The following SPOCK1 variants were observed in gnomAD, a reference collection of about 807,000 sequenced individuals.
SPOCK1 encodes SPARC (osteonectin), cwcv and kazal like domains proteoglycan 1.
Under a neutral mutation model 55.3 loss-of-function variants are expected in SPOCK1, and 23 were observed. The ratio of observed to expected loss-of-function variants is 0.42; its 90% CI spans 0.30 to 0.59. The LOEUF is 0.59. SPOCK1 is among the 20% of genes least tolerant of loss of function. SPOCK1 has a pLI of 0.22. For synonymous variants in SPOCK1, 226 were observed against 221.0 expected (o/e 1.02, Z -0.20); for missense variants, 499 against 552.5 (o/e 0.90, Z 0.97).
intron 2 of SPOCK1, among the ~76,000 whole-genome samples, chr5:137,292,284 T>C (rs1757383466): frequency 6.6e-6 from 1 of 151,942 alleles, no homozygotes; most frequent in Non-Finnish European, 1.5e-5. Flanking sequence ...GGGGTGAAGC[T>C]GAACAGTCTT....
intron 2 of SPOCK1, among the ~76,000 whole-genome samples, chr5:137,463,045 G>A (rs1354253646): frequency 6.6e-6 from 1 of 152,170 alleles, no homozygotes; most frequent in Non-Finnish European, 1.5e-5. Context: ...TTAGTCCTGA[G>A]GACAACGAGG....
At chr5:137,161,441 T>G (rs1423856638) in intron 3 of SPOCK1, among the ~76,000 whole-genome samples, 4 of 152,098 alleles carry the variant, frequency 2.6e-5, no homozygotes, top group Admixed American at 2.6e-4. Flanking sequence ...GCTGACTACC[T>G]TGCCTGCCAA....
intron 2 of SPOCK1, among the ~76,000 whole-genome samples, chr5:137,277,533 G>A (rs935735516): frequency 1.3e-5 from 2 of 152,186 alleles, no homozygotes; most frequent in African/African-American, 2.4e-5. Context: ...GGGGCTGCCT[G>A]CCCTGTGGAG....
At chr5:137,406,840 T>G (rs1561527298) in intron 2 of SPOCK1, among the ~76,000 whole-genome samples, 1 of 152,232 alleles carries the variant, frequency 6.6e-6, no homozygotes, top group Non-Finnish European at 1.5e-5. Flanking sequence ...GCATTTGCCA[T>G]GTAGGACTGT....
intron 2 of SPOCK1, among the ~76,000 whole-genome samples, chr5:137,354,401 C>T (rs1750745782): frequency 6.6e-6 from 1 of 152,042 alleles, no homozygotes; most frequent in Non-Finnish European, 1.5e-5. Flanking sequence ...CCAAGACTCC[C>T]CAGGATGACG....
At chr5:137,088,576 T>A (rs2348189) in intron 5 of SPOCK1, among the ~76,000 whole-genome samples, 60,378 of 152,012 alleles carry the variant, frequency 0.4, 12,882 homozygotes, top group Non-Finnish European at 0.48. Context: ...CTCACCCACC[T>A]TCACCCCCAG....
chr5:137,492,051 G>A (rs2149845544), intron 2 of SPOCK1, among the ~76,000 whole-genome samples: 1 of 152,216 alleles, frequency 6.6e-6, no homozygotes, highest in South Asian at 2.1e-4. Flanking sequence ...TCAACACAGT[G>A]GACATCTGTT....
chr5:137,355,666 C>T (rs1750775934), intron 2 of SPOCK1, among the ~76,000 whole-genome samples: 1 of 152,276 alleles, frequency 6.6e-6, no homozygotes, highest in East Asian at 1.9e-4. Flanking sequence ...ATTCCCACCA[C>T]ACCTTTTTCA....
intron 3 of SPOCK1, among the ~76,000 whole-genome samples, chr5:137,197,565 C>T (rs979180718): frequency 2.0e-5 from 3 of 152,132 alleles, no homozygotes; most frequent in African/African-American, 7.2e-5. Flanking sequence ...TTCTAGTTTC[C>T]ATTAGAAGAG....
intron 2 of SPOCK1, among the ~76,000 whole-genome samples, chr5:137,411,056 G>C (rs1269503104): frequency 6.6e-6 from 1 of 152,154 alleles, no homozygotes; most frequent in African/African-American, 2.4e-5. Context: ...CCAGCCAGAA[G>C]GTCTTTACTT....
chr5:137,034,064 G>A (rs373739870), intron 6 of SPOCK1, among the ~76,000 whole-genome samples: 17 of 152,252 alleles, frequency 1.1e-4, no homozygotes, highest in East Asian at 9.7e-4. Context: ...GGCTGACCTC[G>A]AGTAGGCACT....
intron 3 of SPOCK1, among the ~76,000 whole-genome samples, chr5:137,223,630 G>A (rs1755897462): frequency 6.6e-6 from 1 of 152,126 alleles, no homozygotes; most frequent in South Asian, 2.1e-4. Context: ...TCAACAATGA[G>A]ATGAAATTAT....
At chr5:137,236,385 C>T (rs542840144) in intron 3 of SPOCK1, among the ~76,000 whole-genome samples, 2 of 152,360 alleles carry the variant, frequency 1.3e-5, no homozygotes, top group South Asian at 2.1e-4. Flanking sequence ...CACACAGCCA[C>T]ACCCCAAGCA....
At chr5:137,482,347 C>T (rs1013320304) in intron 2 of SPOCK1, among the ~76,000 whole-genome samples, 2 of 152,186 alleles carry the variant, frequency 1.3e-5, no homozygotes, top group Non-Finnish European at 2.9e-5. Context: ...GAAGTAAAGA[C>T]GTGATCAGAC....
At chr5:137,330,599 A>T (rs1758155221) in intron 2 of SPOCK1, among the ~76,000 whole-genome samples, 3 of 152,298 alleles carry the variant, frequency 2.0e-5, no homozygotes, top group Middle Eastern at 3.4e-3. Flanking sequence ...AAAAATATCC[A>T]CTCATGCAAC....
At chr5:137,374,019 C>T (rs1039126019) in intron 2 of SPOCK1, among the ~76,000 whole-genome samples, 2 of 152,196 alleles carry the variant, frequency 1.3e-5, no homozygotes, top group Non-Finnish European at 2.9e-5. Context: ...TGGGGAGATG[C>T]CCAGTGGGCA....
chr5:137,328,887 A>G (rs112882625), intron 2 of SPOCK1, among the ~76,000 whole-genome samples: 8 of 152,290 alleles, frequency 5.3e-5, no homozygotes, highest in African/African-American at 1.9e-4. Flanking sequence ...TCTTTTGGGA[A>G]TTGGAAATGG....
At chr5:137,320,905 C>T (rs1705959073) in intron 2 of SPOCK1, among the ~76,000 whole-genome samples, 1 of 152,000 alleles carries the variant, frequency 6.6e-6, no homozygotes, top group Admixed American at 6.6e-5. Flanking sequence ...AATAAATATC[C>T]AGAAATTGGT....
At chr5:137,151,997 T>C (rs1222234149) in intron 3 of SPOCK1, among the ~76,000 whole-genome samples, 1 of 152,248 alleles carries the variant, frequency 6.6e-6, no homozygotes, top group African/African-American at 2.4e-5. Flanking sequence ...TCTGCTTCTT[T>C]AGGATGGTTC....
Sources: gnomAD v4.1 joint callset for allele counts (sites outside exome capture counted in the v4.1 genomes callset) on GRCh38, gnomAD v4.1.1 for gene constraint, MANE v1.5 for transcripts, NCBI Gene and HGNC (gene_info 2026-07-23, HGNC 2026-07-21) for gene names.